Variants in SNTG2 observed in about 807,000 individuals in gnomAD.
SNTG2 encodes the protein syntrophin gamma 2, also known as gamma-2-syntrophin.
A neutral mutation model predicts 70.9 loss-of-function variants in SNTG2; 74 were observed. That is an observed-to-expected ratio of 1.04 (90% CI 0.86 to 1.27). The LOEUF is 1.27. Ranked by LOEUF, SNTG2 falls within the 50% of genes most tolerant of loss-of-function variation. The pLI, the probability that SNTG2 is intolerant of heterozygous loss-of-function variation, is 0.00. For synonymous variants in SNTG2, 278 were observed against 273.8 expected (o/e 1.02, Z -0.15); for missense variants, 717 against 690.7 (o/e 1.04, Z -0.43).
chr2:1,092,926 A>G (rs1665129922), intron 2 of SNTG2, among the ~76,000 whole-genome samples: 1 of 152,256 alleles, frequency 6.6e-6, no homozygotes, highest in Non-Finnish European at 1.5e-5. Flanking sequence ...ATAATATTTT[A>G]TGAAAGATTT....
chr2:1,129,089 C>T lies in SNTG2; in HGVS notation c.326-8533C>T, dbSNP rs1430914880. ...GAATAAACGACATATACATTTTATG[C>T]AGGCCATTTTCAGAAAGTACCAAAA... On this transcript the variant is annotated intron_variant, in intron 4 of 16. Coordinates refer to ENST00000308624, the MANE Select transcript of SNTG2 (RefSeq NM_018968.4). Among the ~76,000 whole-genome samples, 11 of 152,178 alleles carry T rather than the reference C, an allele frequency of 7.2e-5. No homozygotes were observed. The East Asian group carries it at 2.1e-3, about 29-fold the overall frequency.
At chr2:1,083,250 TAA>T (rs34463801) in intron 1 of SNTG2, among the ~76,000 whole-genome samples, 2 of 56,188 alleles carry the variant, frequency 3.6e-5, no homozygotes, top group Admixed American at 3.0e-4. Flanking sequence ...CTTCACAAGT[TAA>T]AAAAAAAACA....
chr2:1,187,868 C>A (rs1672341476), intron 8 of SNTG2, among the ~76,000 whole-genome samples: 1 of 152,180 alleles, frequency 6.6e-6, no homozygotes, highest in Admixed American at 6.5e-5. Context: ...ATAAAACTAT[C>A]TTTCCAGAAC....
intron 9 of SNTG2, among the ~76,000 whole-genome samples, chr2:1,235,184 T>G (rs28546867): frequency 0.36 from 40,520 of 113,828 alleles, 7,677 homozygotes; most frequent in African/African-American, 0.57. Context: ...CCTACCCCAC[T>G]CTGCCCTGAG....
At chr2:977,601 C>G (rs574317392) in intron 1 of SNTG2, among the ~76,000 whole-genome samples, 2 of 152,174 alleles carry the variant, frequency 1.3e-5, no homozygotes, top group Non-Finnish European at 2.9e-5. Context: ...CCATCTCTGT[C>G]GCTCAATGGT....
chr2:1,222,027 G>C lies in SNTG2; in HGVS notation c.719+12797G>C, dbSNP rs1553362090. Among the ~76,000 whole-genome samples, 4 of 5,988 alleles carry C rather than the reference G, an allele frequency of 6.7e-4. 1 individual carries two copies. Among genetic ancestry groups the C allele is most frequent in the African/African-American group, 8.3e-4 (2 of 2,406 alleles). The allele number at this position is 5,988 out of a possible 152,430, so 3.9% of individuals were successfully genotyped here. On this transcript the variant is annotated intron_variant, in intron 9 of 16. Transcript: ENST00000308624. ...TCTCTCTCTGTCTCTCTCTGTCTCT[G>C]CCTATCTCTGTCTCTCTCTGTCTCT...
At chr2:1,074,836 A>G (rs750239462) in intron 1 of SNTG2, among the ~76,000 whole-genome samples, 1 of 152,240 alleles carries the variant, frequency 6.6e-6, no homozygotes, top group Non-Finnish European at 1.5e-5. Context: ...AAACAAGTCT[A>G]TGTTAAGTAA....
At chr2:1,011,206 G>T (rs1248204927) in intron 1 of SNTG2, among the ~76,000 whole-genome samples, 1 of 152,240 alleles carries the variant, frequency 6.6e-6, no homozygotes, top group African/African-American at 2.4e-5. Context: ...GTGGCACGGG[G>T]TGACTGAGGG....
chr2:1,271,468 T>A (rs1271988318), intron 14 of SNTG2, among the ~76,000 whole-genome samples: 1 of 152,112 alleles, frequency 6.6e-6, no homozygotes. Context: ...TGTATATCTT[T>A]CCTAATAGCA....
intron 1 of SNTG2, among the ~76,000 whole-genome samples, chr2:997,809 C>T (rs1461212460): frequency 1.3e-5 from 2 of 152,232 alleles, no homozygotes; most frequent in Admixed American, 1.3e-4. Flanking sequence ...AAAGATTAAA[C>T]ATAAACCCTT....
At position 1,264,932 on chromosome 2, in the gene SNTG2, A is replaced by T. The variant is rs1410986445; in HGVS notation, c.1078-2433A>T. Among the ~76,000 whole-genome samples the T allele has an allele frequency of 1.3e-5, 2 of 152,182 alleles. 1 individual carries two copies. The highest frequency in any genetic ancestry group is 2.9e-5 in the Non-Finnish European group (2 of 68,028). On this transcript the variant is annotated intron_variant, in intron 13 of 16. Coordinates refer to ENST00000308624, the MANE Select transcript of SNTG2 (RefSeq NM_018968.4). Reference sequence around the variant, plus strand: ...CAGAATATGTGTTAATTGACTGTTCATGTTATTAGTAAAGCTTCTGATCAA... The same window carrying T: ...CAGAATATGTGTTAATTGACTGTTCTTGTTATTAGTAAAGCTTCTGATCAA...
chr2:1,004,094 T>C (rs1425458031), intron 1 of SNTG2, among the ~76,000 whole-genome samples: 3 of 152,218 alleles, frequency 2.0e-5, no homozygotes, highest in African/African-American at 7.2e-5. Context: ...TCCCCTAAAC[T>C]GTGCAACCTA....
chr2:1,273,048 G>A (rs34552377), intron 14 of SNTG2, among the ~76,000 whole-genome samples: 45,548 of 152,132 alleles, frequency 0.3, 7,778 homozygotes, highest in African/African-American at 0.47. Context: ...CCTGTTAGAG[G>A]AGCCGGTCAC....
chr2:1,132,230 T>G (rs952498327), intron 4 of SNTG2, among the ~76,000 whole-genome samples: 1 of 93,310 alleles, frequency 1.1e-5, no homozygotes, highest in Non-Finnish European at 2.9e-5. Flanking sequence ...TGTGTATATA[T>G]GTGTGTGTAT....
chr2:1,044,370 G>A (rs1661610026), intron 1 of SNTG2, among the ~76,000 whole-genome samples: 2 of 151,754 alleles, frequency 1.3e-5, no homozygotes, highest in Admixed American at 6.6e-5. Flanking sequence ...GTTGACTCTT[G>A]GAAGCCTTCT....
At chr2:1,274,969 C>T (rs1286597509) in intron 14 of SNTG2, among the ~76,000 whole-genome samples, 2 of 152,206 alleles carry the variant, frequency 1.3e-5, no homozygotes, top group Non-Finnish European at 2.9e-5. Flanking sequence ...CCAGAGCTTT[C>T]CTGCTGAGTC....
At chr2:1,329,245 G>C (rs1681888273) in intron 16 of SNTG2, among the ~76,000 whole-genome samples, 2 of 152,014 alleles carry the variant, frequency 1.3e-5, no homozygotes, top group Non-Finnish European at 2.9e-5. Context: ...TTTAGCTTAA[G>C]AGAAAAGGCT....
At position 1,230,677 on chromosome 2, in the gene SNTG2, G is replaced by C. The variant is rs1676157625; in HGVS notation, c.720-7211G>C. Among the ~76,000 whole-genome samples, 4 of 152,214 alleles carry C rather than the reference G, an allele frequency of 2.6e-5. No individual in the cohort carries two copies. In the South Asian group the frequency reaches 8.3e-4, roughly 32 times the overall value. On this transcript the variant is annotated intron_variant, in intron 9 of 16. Coordinates refer to ENST00000308624, the MANE Select transcript of SNTG2 (RefSeq NM_018968.4). Reference sequence around the variant, plus strand: ...CCAGATCCATGGGTCCCACCTTACGGATAGCACAGTGCCCTGGTCGACAGC... The same window carrying C: ...CCAGATCCATGGGTCCCACCTTACGCATAGCACAGTGCCCTGGTCGACAGC...
intron 2 of SNTG2, among the ~76,000 whole-genome samples, chr2:1,085,754 C>G (rs572086558): frequency 6.6e-6 from 1 of 152,358 alleles, no homozygotes; most frequent in Admixed American, 6.5e-5. Flanking sequence ...AGGATTCTGT[C>G]TCCCAGAGAC....
Sources: gnomAD v4.1 joint callset for allele counts (sites outside exome capture counted in the v4.1 genomes callset) on GRCh38, gnomAD v4.1.1 for gene constraint, MANE v1.5 for transcripts, NCBI Gene and HGNC (gene_info 2026-07-23, HGNC 2026-07-21) for gene names.